LAMA2: variants seen among roughly 807,000 people sequenced by gnomAD.
LAMA2 encodes the protein laminin subunit alpha-2.
In LAMA2, 269 loss-of-function variants were observed where a neutral mutation model predicts 364.8. That is an observed-to-expected ratio of 0.74 (90% CI 0.67 to 0.82). LAMA2 has a LOEUF of 0.82. Ranked by LOEUF, LAMA2 falls within the 40% of genes least tolerant of loss-of-function variation. The pLI, the probability that LAMA2 is intolerant of heterozygous loss-of-function variation, is 0.00. For synonymous variants in LAMA2, 1,379 were observed against 1,370.6 expected, an observed-to-expected ratio of 1.01 and a Z score of -0.14; for missense variants, 3,807 against 3,873.2, an observed-to-expected ratio of 0.98 and a Z score of 0.45.
Position 129,451,882 on chromosome 6 carries a change from G to T in LAMA2, c.6430-1106G>T, listed in dbSNP as rs143511452. ...GCTGTTTTGGTTTCTAGGCTATCTT[G>T]TTGGGAGTCTGCACAGCCCTTTCAT... On this transcript the variant is annotated intron_variant, in intron 45 of 64. Coordinates refer to ENST00000421865, the MANE Select transcript of LAMA2 (RefSeq NM_000426.4). 5.8e-3 allele frequency among the ~76,000 whole-genome samples: 879 copies of T among 152,230 alleles called. 10 individuals are homozygous for T. Among genetic ancestry groups the T allele is most frequent in the African/African-American group, 0.02 (836 of 41,534 alleles).
chr6:129,373,984 T>C (rs1213091698), intron 34 of LAMA2, among the ~76,000 whole-genome samples: 1 of 152,106 alleles, frequency 6.6e-6, no homozygotes, highest in African/African-American at 2.4e-5. Context: ...TCAGATTCAG[T>C]AACATAAAAG....
intron 37 of LAMA2, 148 bp from the exon 38 acceptor site, chr6:129,401,076 A>G: frequency 4.1e-6 from 3 of 728,564 alleles, no homozygotes; most frequent in Non-Finnish European, 7.5e-6. Context: ...CTGGCTAAGT[A>G]GTTTATATTT....
intron 22 of LAMA2, among the ~76,000 whole-genome samples, chr6:129,306,649 T>A (rs774232186): frequency 1.5e-4 from 23 of 151,908 alleles, no homozygotes; most frequent in Admixed American, 4.6e-4. Context: ...CTTATTTTTT[T>A]AATTATTTTT....
chr6:129,370,573 T>C (rs1466956506), intron 34 of LAMA2, among the ~76,000 whole-genome samples: 1 of 152,196 alleles, frequency 6.6e-6, no homozygotes, highest in Non-Finnish European at 1.5e-5. Flanking sequence ...AGTTAGAGAA[T>C]GAAGAAAACA....
At chr6:129,442,930 G>T in intron 43 of LAMA2, 133 bp from the exon 44 acceptor site, 1 of 620,702 alleles carries the variant, frequency 1.6e-6, no homozygotes, top group South Asian at 2.2e-5. Flanking sequence ...CAGTTAAAAT[G>T]GGGTGCATTT....
rs149985545 is a variant in LAMA2 at position 128,916,842 on chromosome 6, A to C, written c.112+33485A>C. On this transcript the variant is annotated intron_variant, in intron 1 of 64. Transcript: ENST00000421865. Reference sequence around the variant, plus strand: ...CAAATGGGAAACCTGTTGGCCCTCCAGCTGGATCTTTCCACTGTTTTAACT... The same window carrying C: ...CAAATGGGAAACCTGTTGGCCCTCCCGCTGGATCTTTCCACTGTTTTAACT... 3.3e-5 allele frequency among the ~76,000 whole-genome samples: 5 copies of C among 152,316 alleles called. No individual in the cohort carries two copies. The East Asian group carries it at 7.7e-4, about 23-fold the overall frequency.
intron 42 of LAMA2, 130 bp from the exon 43 acceptor site, chr6:129,440,686 C>T: frequency 2.4e-6 from 2 of 838,446 alleles, no homozygotes; most frequent in Non-Finnish European, 2.0e-6. Flanking sequence ...CTGAATGAGA[C>T]AAAGTTCAGC....
intron 12 of LAMA2, among the ~76,000 whole-genome samples, chr6:129,200,193 T>G (rs932056879): frequency 7.7e-6 from 1 of 130,352 alleles, no homozygotes; most frequent in Non-Finnish European, 1.7e-5. Flanking sequence ...TGTGTATATA[T>G]ACATGTACAC....
At chr6:128,974,063 A>G (rs1782368380) in intron 1 of LAMA2, among the ~76,000 whole-genome samples, 1 of 152,172 alleles carries the variant, frequency 6.6e-6, no homozygotes, top group African/African-American at 2.4e-5. Flanking sequence ...TCCTAAATAT[A>G]TCACACAGTC....
At position 129,486,562 on chromosome 6, in the gene LAMA2, C is replaced by A; in HGVS notation, c.7838C>A (p.Pro2613Gln). 1.2e-6 allele frequency: 2 copies of A among 1,613,938 alleles called. No homozygotes were observed. Among genetic ancestry groups the A allele is most frequent in the Non-Finnish European group, 8.5e-7 (1 of 1,179,880 alleles). The change falls in exon 56 of 65, where the codon CCA becomes CAA. Residue 2613 changes from proline to glutamine, a missense_variant. By Grantham distance (76) the Pro-to-Gln change is moderately conservative. This residue lies in a region of LAMA2 where 3,333 missense variants were observed against 3,345.7 expected (regional missense o/e 1.00). Transcript: ENST00000421865. ...ARTMRKIVIRPEPNLFHDGRE... is the reference protein window; with the variant it reads ...ARTMRKIVIRQEPNLFHDGRE... ...ACAATGAGGAAAATTGTGATCAGAC[C>A]AGAGCCGAATCTGTTTCATGATGGA...
chr6:128,895,254 A>T (rs1776696265), intron 1 of LAMA2, among the ~76,000 whole-genome samples: 1 of 152,086 alleles, frequency 6.6e-6, no homozygotes, highest in Non-Finnish European at 1.5e-5. Flanking sequence ...GCCCTTCTTA[A>T]TTTCCTTTCA....
chr6:128,974,975 C>T lies in LAMA2; in HGVS notation c.113-74943C>T, dbSNP rs185457874. 2.0e-4 allele frequency among the ~76,000 whole-genome samples: 30 copies of T among 151,944 alleles called. No homozygotes were observed. The East Asian group carries it at 4.6e-3, about 24-fold the overall frequency. On this transcript the variant is annotated intron_variant, in intron 1 of 64. Transcript: ENST00000421865. ...CACGCCATTCTCCTGCCTCGGCCTC[C>T]GGAGTAGCTGGGACTACAGGCGCCC...
chr6:129,041,973 A>T (rs1455241299), intron 1 of LAMA2, among the ~76,000 whole-genome samples: 2 of 148,174 alleles, frequency 1.3e-5, no homozygotes, highest in Non-Finnish European at 3.0e-5. Flanking sequence ...TTGCACTCCA[A>T]CCTGGGCAAC....
chr6:129,303,483 C>T (rs1773674845), intron 22 of LAMA2, among the ~76,000 whole-genome samples: 2 of 152,086 alleles, frequency 1.3e-5, no homozygotes, highest in South Asian at 2.1e-4. Context: ...ATATCCTTGC[C>T]TTGTTCCTTA....
At chr6:129,233,232 G>A (rs919358700) in intron 12 of LAMA2, among the ~76,000 whole-genome samples, 1 of 152,120 alleles carries the variant, frequency 6.6e-6, no homozygotes, top group Non-Finnish European at 1.5e-5. Flanking sequence ...TAATATATTT[G>A]TGTTGCTTTC....
At chr6:129,349,023 G>A (rs1200471421) in intron 30 of LAMA2, among the ~76,000 whole-genome samples, 3 of 152,008 alleles carry the variant, frequency 2.0e-5, no homozygotes, top group African/African-American at 7.2e-5. Flanking sequence ...TATATTCATG[G>A]CTGTCACATC....
rs1024016212 is a variant in LAMA2 at position 129,326,398 on chromosome 6, G to A, written c.4177-1880G>A. On this transcript the variant is annotated intron_variant, in intron 28 of 64. Transcript: ENST00000421865. ...AATAGGAAAAATGTGTTGTGCGTTA[G>A]AGTAGACTTCACCTTAGGGCTCGCC... is the stretch of plus-strand genomic sequence containing the variant. Among the ~76,000 whole-genome samples, 13 of 152,232 alleles carry A rather than the reference G, an allele frequency of 8.5e-5. No individual in the cohort carries two copies. In the East Asian group the frequency reaches 1.4e-3, roughly 16 times the overall value.
chr6:128,934,461 CT>C (rs1004896923), intron 1 of LAMA2, among the ~76,000 whole-genome samples: 1 of 151,544 alleles, frequency 6.6e-6, no homozygotes, highest in East Asian at 1.9e-4. Flanking sequence ...AATTCTTATT[CT>C]TTTTTTTAGA....
At chr6:129,113,999 T>C (rs915566189) in intron 4 of LAMA2, among the ~76,000 whole-genome samples, 4 of 152,002 alleles carry the variant, frequency 2.6e-5, no homozygotes, top group African/African-American at 9.7e-5. Context: ...ATGAGATTTT[T>C]ATCAAAAAAG....
Sources: gnomAD v4.1 joint callset for allele counts (sites outside exome capture counted in the v4.1 genomes callset) on GRCh38, gnomAD v4.1.1 for gene constraint, gnomAD v4.1.1 regional missense constraint, MANE v1.5 for transcripts, NCBI Gene and HGNC (gene_info 2026-07-23, HGNC 2026-07-21) for gene names.